Variants in MOSMO observed in about 807,000 individuals in gnomAD.
MOSMO encodes modulator of smoothened protein.
MOSMO carries 5 observed loss-of-function variants against 18.4 expected under a neutral mutation model. The observed-to-expected ratio is 0.27, with a 90% CI of 0.14 to 0.57. The LOEUF is 0.57. Among genes scored for constraint, MOSMO ranks in the 20% least tolerant of loss-of-function variants. The pLI is 0.92. For synonymous variants in MOSMO, 82 were observed against 82.3 expected, an observed-to-expected ratio of 1.00 and a Z score of 0.02; for missense variants, 138 against 211.8, an observed-to-expected ratio of 0.65 and a Z score of 2.16.
At chr16:22,058,201 G>A (rs1446579027) in intron 1 of MOSMO, among the ~76,000 whole-genome samples, 2 of 152,152 alleles carry the variant, frequency 1.3e-5, no homozygotes, top group African/African-American at 4.8e-5. Flanking sequence ...GCCAAGGCGG[G>A]TAGATCACAA....
intron 1 of MOSMO, among the ~76,000 whole-genome samples, chr16:22,022,367 T>TAA (rs1899783727): frequency 6.6e-6 from 1 of 152,160 alleles, no homozygotes; most frequent in Non-Finnish European, 1.5e-5. Flanking sequence ...ATGCCCCTGA[T>TAA]ACCTGGATTG....
At chr16:22,064,162 G>T (rs762563595) in intron 1 of MOSMO, among the ~76,000 whole-genome samples, 2 of 152,156 alleles carry the variant, frequency 1.3e-5, no homozygotes, top group Non-Finnish European at 2.9e-5. Context: ...AGCTGCTATT[G>T]TCTGCTCATT....
intron 2 of MOSMO, among the ~76,000 whole-genome samples, chr16:22,079,947 C>G (rs894715677): frequency 6.6e-6 from 1 of 152,050 alleles, no homozygotes; most frequent in Non-Finnish European, 1.5e-5. Context: ...CTACGCCTGA[C>G]TAATTTTTGT....
At chr16:22,029,484 A>G (rs773560818) in intron 1 of MOSMO, among the ~76,000 whole-genome samples, 4 of 152,080 alleles carry the variant, frequency 2.6e-5, no homozygotes, top group Non-Finnish European at 4.4e-5. Context: ...CCTCTCCTTC[A>G]ATTTTGTCAC....
intron 1 of MOSMO, among the ~76,000 whole-genome samples, chr16:22,014,270 A>T (rs528991854): frequency 6.6e-6 from 1 of 152,336 alleles, no homozygotes; most frequent in African/African-American, 2.4e-5. Context: ...TAAAAGTATT[A>T]TGCCAACAGG....
chr16:22,037,124 G>A (rs1222107481), intron 1 of MOSMO, among the ~76,000 whole-genome samples: 1 of 152,142 alleles, frequency 6.6e-6, no homozygotes, highest in East Asian at 1.9e-4. Context: ...AGGAAAACCA[G>A]CCAGGCATGT....
chr16:22,019,329 T>G (rs1899705680), intron 1 of MOSMO, among the ~76,000 whole-genome samples: 1 of 152,222 alleles, frequency 6.6e-6, no homozygotes, highest in South Asian at 2.1e-4. Context: ...TCTGTAATTC[T>G]TTGGTCCTCT....
At chr16:22,059,451 G>C (rs1354918969) in intron 1 of MOSMO, among the ~76,000 whole-genome samples, 1 of 152,176 alleles carries the variant, frequency 6.6e-6, no homozygotes, top group Non-Finnish European at 1.5e-5. Context: ...CTGGGATTAA[G>C]ATGGTGGGTG....
intron 1 of MOSMO, among the ~76,000 whole-genome samples, chr16:22,037,062 AC>A (rs1406820654): frequency 6.6e-6 from 1 of 152,114 alleles, no homozygotes; most frequent in Non-Finnish European, 1.5e-5. Context: ...CCAGGAAAGA[AC>A]CCTGAAGGTC....
downstream of MOSMO, chr16:22,085,793 A>G (rs921677398): frequency 1.3e-5 from 2 of 152,190 alleles, no homozygotes; most frequent in Non-Finnish European, 2.9e-5. Flanking sequence ...AGCACAATGT[A>G]TATTTTTTAA....
At chr16:22,073,310 GAAGA>G in intron 1 of MOSMO, among the ~76,000 whole-genome samples, 1 of 152,278 alleles carries the variant, frequency 6.6e-6, no homozygotes, top group African/African-American at 2.4e-5. Context: ...GTTAAATTGA[GAAGA>G]AAGTTGCTAA....
rs1900922424 is a variant in MOSMO at position 22,074,428 on chromosome 16, A to AT, written c.107-1058dup. Reference sequence around the variant, plus strand: ...AAATAAAAGAATGTAGACCAAAAAAATCCCCCCAAAATGCAAAAATCTGTT... The same window carrying AT: ...AAATAAAAGAATGTAGACCAAAAAAATTCCCCCCAAAATGCAAAAATCTGTT... On this transcript the variant is annotated intron_variant, in intron 1 of 2. Coordinates refer to ENST00000542527, the MANE Select transcript of MOSMO (RefSeq NM_001164579.2). Among the ~76,000 whole-genome samples the AT allele has an allele frequency of 4.6e-5, 7 of 152,214 alleles. No homozygotes were observed. In the South Asian group the frequency reaches 1.2e-3, roughly 27 times the overall value.
chr16:22,068,734 TTGTA>T (rs1357713798), intron 1 of MOSMO, among the ~76,000 whole-genome samples: 1 of 152,226 alleles, frequency 6.6e-6, no homozygotes. Context: ...GAAAAATTCA[TTGTA>T]TGGCTATTTT....
chr16:22,036,578 G>C (rs1013081127), intron 1 of MOSMO, among the ~76,000 whole-genome samples: 2 of 152,138 alleles, frequency 1.3e-5, no homozygotes, highest in Non-Finnish European at 2.9e-5. Context: ...CCCACGAGTA[G>C]CTCGGACTAC....
intron 1 of MOSMO, among the ~76,000 whole-genome samples, chr16:22,045,244 T>C (rs1260862638): frequency 2.0e-5 from 3 of 151,964 alleles, no homozygotes; most frequent in Non-Finnish European, 2.9e-5. Flanking sequence ...TTCTTCTCTG[T>C]GGTTTCTTAT....
In MOSMO at chr16:22,080,959, G is replaced by A. The variant is rs1265728311; in HGVS notation, c.*79G>A. On this transcript the variant is annotated 3_prime_UTR_variant, in exon 3 of 3. Transcript: ENST00000542527. ...ATTTTTGGAGGGTGGAGAGGACAAA[G>A]GCGAGGCATCTGAGCAGGCCTCTCA... The A allele has an allele frequency of 4.5e-6, 3 of 668,510 alleles. No individual in the cohort carries two copies. Among genetic ancestry groups the A allele is most frequent in the African/African-American group, 3.7e-5 (2 of 53,566 alleles). 41.4% of individuals were successfully genotyped at this position (668,510 alleles called of 1,614,324 possible). A position where few individuals can be genotyped will look rare whatever the true frequency, so the allele number is the denominator to read the frequency against.
chr16:22,092,484 G>A (rs1901362249), downstream of MOSMO: 2 of 881,912 alleles, frequency 2.3e-6, no homozygotes, highest in Non-Finnish European at 3.4e-6. Flanking sequence ...CTGCAGTGGT[G>A]CAGTCTGTTA....
chr16:22,080,540 T>C (rs1901058885), intron 2 of MOSMO, among the ~76,000 whole-genome samples, 156 bp from the exon 3 acceptor site: 2 of 152,242 alleles, frequency 1.3e-5, no homozygotes, highest in Admixed American at 6.5e-5. Context: ...TCAGGGATAC[T>C]ATGTGACCTG....
intron 1 of MOSMO, among the ~76,000 whole-genome samples, chr16:22,055,605 AC>A (rs1900517047): frequency 1.3e-5 from 2 of 152,200 alleles, no homozygotes; most frequent in Non-Finnish European, 2.9e-5. Context: ...ACCATGCAGT[AC>A]TCAGAATCAC....
Sources: allele counts gnomAD v4.1 joint callset (sites outside exome capture counted in the v4.1 genomes callset), GRCh38; gene constraint gnomAD v4.1.1; transcripts MANE v1.5; gene names NCBI Gene and HGNC (gene_info 2026-07-23, HGNC 2026-07-21).